PLXDC2: variants seen among roughly 807,000 people sequenced by gnomAD.
PLXDC2 encodes plexin domain-containing protein 2.
In PLXDC2, 40 loss-of-function variants were observed where a neutral mutation model predicts 68.9. That is an observed-to-expected ratio of 0.58 (90% confidence interval 0.45 to 0.76). The LOEUF (loss-of-function observed/expected upper bound fraction) is 0.76. PLXDC2 is among the 30% of genes least tolerant of loss of function. PLXDC2 has a pLI of 0.00. For missense variants in PLXDC2, 644 were observed against 661.9 expected, an observed-to-expected ratio of 0.97 and a Z score of 0.30; for synonymous variants, 243 against 234.2, an observed-to-expected ratio of 1.04 and a Z score of -0.34.
chr10:19,973,288 A>G (rs1315500206), intron 1 of PLXDC2, among the ~76,000 whole-genome samples: 1 of 137,478 alleles, frequency 7.3e-6, no homozygotes, highest in Non-Finnish European at 1.5e-5. Flanking sequence ...ATACACATAC[A>G]TATATATGTA....
intron 1 of PLXDC2, among the ~76,000 whole-genome samples, chr10:19,866,443 T>C (rs1837418411): frequency 6.6e-6 from 1 of 152,206 alleles, no homozygotes; most frequent in Non-Finnish European, 1.5e-5. Context: ...AAATCTCCTG[T>C]TCTGCCTCTT....
intron 1 of PLXDC2, among the ~76,000 whole-genome samples, chr10:19,829,073 T>C (rs1415551175): frequency 6.6e-6 from 1 of 151,888 alleles, no homozygotes; most frequent in East Asian, 1.9e-4. Context: ...GCACTTTCTG[T>C]CCTTCCCCAG....
Position 20,283,553 on chromosome 10 carries a change from C to T in PLXDC2, c.*3734C>T, listed in dbSNP as rs56063383. 25,314 of 152,184 alleles carry T rather than the reference C, an allele frequency of 0.17. 2,705 individuals carry two copies. Among genetic ancestry groups the T allele is most frequent in the Non-Finnish European group, 0.24 (16,164 of 67,982 alleles). 9.4% of individuals were successfully genotyped at this position (152,184 alleles called of 1,614,324 possible). Reference sequence around the variant, plus strand: ...TTCAAAACACAAAGCAAAATTGCTTCAGTTTCTTTTCTGCCCATCTGAATA... The same window carrying T: ...TTCAAAACACAAAGCAAAATTGCTTTAGTTTCTTTTCTGCCCATCTGAATA... On this transcript the variant is annotated 3_prime_UTR_variant, in exon 14 of 14. Transcript: ENST00000377252.
At chr10:19,972,186 G>T (rs968110244) in intron 1 of PLXDC2, among the ~76,000 whole-genome samples, 5 of 152,286 alleles carry the variant, frequency 3.3e-5, no homozygotes, top group Middle Eastern at 6.8e-3. Context: ...ATACTATCAA[G>T]ATATATCTGG....
chr10:19,877,608 C>A (rs1162163341), intron 1 of PLXDC2, among the ~76,000 whole-genome samples: 1 of 152,214 alleles, frequency 6.6e-6, no homozygotes, highest in Non-Finnish European at 1.5e-5. Flanking sequence ...GATAACCCAG[C>A]CTCAAGTATG....
intron 5 of PLXDC2, among the ~76,000 whole-genome samples, chr10:20,145,184 A>G (rs1031767381): frequency 3.9e-5 from 6 of 152,230 alleles, no homozygotes; most frequent in African/African-American, 1.4e-4. Flanking sequence ...TCAAGAATGC[A>G]TGTATTGTTT....
intron 6 of PLXDC2, among the ~76,000 whole-genome samples, chr10:20,150,332 G>A (rs1202046278): frequency 6.6e-6 from 1 of 152,154 alleles, no homozygotes; most frequent in African/African-American, 2.4e-5. Flanking sequence ...CCAGTAATGG[G>A]ATTGCTGGCC....
intron 4 of PLXDC2, among the ~76,000 whole-genome samples, chr10:20,088,239 A>G (rs1035850957): frequency 2.6e-5 from 4 of 152,158 alleles, no homozygotes; most frequent in Admixed American, 1.3e-4. Flanking sequence ...TTCTGTGCCA[A>G]TGCTTATTTT....
chr10:20,165,859 G>A, intron 7 of PLXDC2, among the ~76,000 whole-genome samples: 1 of 152,056 alleles, frequency 6.6e-6, no homozygotes, highest in East Asian at 1.9e-4. Flanking sequence ...CCTATAAATA[G>A]GCATCTGTTG....
At chr10:19,838,305 T>G (rs1564604964) in intron 1 of PLXDC2, among the ~76,000 whole-genome samples, 1 of 152,218 alleles carries the variant, frequency 6.6e-6, no homozygotes, top group Non-Finnish European at 1.5e-5. Context: ...TTTCTAAATA[T>G]TCACTTGTAT....
At chr10:19,919,690 C>G (rs1833427403) in intron 1 of PLXDC2, among the ~76,000 whole-genome samples, 4 of 152,062 alleles carry the variant, frequency 2.6e-5, no homozygotes, top group African/African-American at 9.7e-5. Flanking sequence ...AATTCTTGGC[C>G]CATCAGACCT....
chr10:20,166,908 A>G (rs1236823300), intron 7 of PLXDC2, among the ~76,000 whole-genome samples: 1 of 152,184 alleles, frequency 6.6e-6, no homozygotes, highest in Non-Finnish European at 1.5e-5. Context: ...ATCTCATTTA[A>G]TAAATTGGCA....
intron 4 of PLXDC2, among the ~76,000 whole-genome samples, chr10:20,112,959 A>T (rs1279448266): frequency 6.6e-6 from 1 of 152,216 alleles, no homozygotes; most frequent in African/African-American, 2.4e-5. Context: ...ATATCTTTTT[A>T]TTTCATGGAA....
chr10:20,246,107 G>C (rs1429570813), intron 13 of PLXDC2, among the ~76,000 whole-genome samples: 1 of 152,192 alleles, frequency 6.6e-6, no homozygotes, highest in African/African-American at 2.4e-5. Context: ...CACACAATGA[G>C]AACACCATGC....
intron 1 of PLXDC2, among the ~76,000 whole-genome samples, chr10:19,824,512 T>A (rs1836536817): frequency 6.6e-6 from 1 of 152,226 alleles, no homozygotes. Flanking sequence ...TTTGGCTTTA[T>A]TCTGAGCACA....
chr10:20,224,380 C>T (rs114462607), intron 12 of PLXDC2, among the ~76,000 whole-genome samples: 2,297 of 152,160 alleles, frequency 0.015, 51 homozygotes, highest in African/African-American at 0.049. Flanking sequence ...TTTGGATTTT[C>T]AAATCCTAGA....
chr10:20,124,855 A>C (rs938323822), intron 4 of PLXDC2, among the ~76,000 whole-genome samples: 1 of 152,030 alleles, frequency 6.6e-6, no homozygotes, highest in Admixed American at 6.6e-5. Context: ...TCATCAGTTA[A>C]GGCAGGAACT....
chr10:19,831,461 G>A (rs1305535360), intron 1 of PLXDC2, among the ~76,000 whole-genome samples: 2 of 151,998 alleles, frequency 1.3e-5, no homozygotes, highest in Admixed American at 6.6e-5. Flanking sequence ...AGGCTGAGGG[G>A]TACATGTGAA....
At chr10:20,198,052 G>T (rs781120443) in intron 9 of PLXDC2, among the ~76,000 whole-genome samples, 1 of 152,106 alleles carries the variant, frequency 6.6e-6, no homozygotes, top group Non-Finnish European at 1.5e-5. Flanking sequence ...CTAAAGGTGG[G>T]TGCTGTAACC....
Sources: gnomAD v4.1 joint callset for allele counts (sites outside exome capture counted in the v4.1 genomes callset) on GRCh38, gnomAD v4.1.1 for gene constraint, MANE v1.5 for transcripts, NCBI Gene and HGNC (gene_info 2026-07-23, HGNC 2026-07-21) for gene names.